RIMS2: variants seen among roughly 807,000 people sequenced by gnomAD.
RIMS2 encodes regulating synaptic membrane exocytosis protein 2.
Under a neutral mutation model 174.4 loss-of-function variants are expected in RIMS2, and 59 were observed. The observed-to-expected ratio is 0.34, with a 90% CI of 0.27 to 0.42. The LOEUF (loss-of-function observed/expected upper bound fraction) is 0.42. RIMS2 is among the 10% of genes least tolerant of loss of function. The probability of loss-of-function intolerance (pLI) is 1.00; values close to 1 mark genes in which losing one functional copy is unlikely to be tolerated. For missense variants in RIMS2, 1,620 were observed against 1,666.3 expected, an observed-to-expected ratio of 0.97 and a Z score of 0.48; for synonymous variants, 606 against 572.5, an observed-to-expected ratio of 1.06 and a Z score of -0.84.
intron 19 of RIMS2, among the ~76,000 whole-genome samples, chr8:104,234,867 A>G (rs1490203768): frequency 6.6e-6 from 1 of 152,100 alleles, no homozygotes; most frequent in Non-Finnish European, 1.5e-5. Flanking sequence ...TCAACTCCAC[A>G]TGTTGGCAAA....
intron 19 of RIMS2, among the ~76,000 whole-genome samples, chr8:104,096,161 G>T (rs13272829): frequency 0.24 from 35,703 of 151,496 alleles, 4,497 homozygotes; most frequent in African/African-American, 0.33. Context: ...GGTGTCCTTG[G>T]AAAGATACAT....
chr8:103,582,776 G>T (rs1327251977), intron 1 of RIMS2, among the ~76,000 whole-genome samples: 2 of 152,144 alleles, frequency 1.3e-5, no homozygotes, highest in East Asian at 3.9e-4. Flanking sequence ...TAATAAAATA[G>T]AACACCAGGT....
At chr8:104,066,623 T>G (rs148962658) in intron 19 of RIMS2, among the ~76,000 whole-genome samples, 144 of 152,278 alleles carry the variant, frequency 9.5e-4, no homozygotes, top group African/African-American at 3.0e-3. Context: ...AATAGACTAA[T>G]AGGTATTTGT....
At chr8:104,006,806 A>T (rs571600804) in intron 17 of RIMS2, among the ~76,000 whole-genome samples, 14 of 151,806 alleles carry the variant, frequency 9.2e-5, no homozygotes, top group Admixed American at 2.0e-4. Flanking sequence ...TAATATATAT[A>T]TATATTTGGG....
At chr8:104,206,454 G>A (rs1161848274) in intron 19 of RIMS2, among the ~76,000 whole-genome samples, 1 of 152,072 alleles carries the variant, frequency 6.6e-6, no homozygotes, top group Non-Finnish European at 1.5e-5. Flanking sequence ...TGTTGCCTTG[G>A]ATCAGTGTCA....
chr8:104,207,321 T>A (rs1456782356), intron 19 of RIMS2, among the ~76,000 whole-genome samples: 1 of 152,156 alleles, frequency 6.6e-6, no homozygotes, highest in African/African-American at 2.4e-5. Context: ...GAGGTGACAT[T>A]TAAAATACAT....
intron 19 of RIMS2, among the ~76,000 whole-genome samples, chr8:104,073,737 A>G (rs1244953099): frequency 6.6e-6 from 1 of 152,186 alleles, no homozygotes; most frequent in South Asian, 2.1e-4. Flanking sequence ...TTTATTGTGC[A>G]TGCCTGACCC....
chr8:103,843,987 A>G (rs1032176192), intron 3 of RIMS2, among the ~76,000 whole-genome samples: 4 of 152,166 alleles, frequency 2.6e-5, no homozygotes, highest in African/African-American at 9.7e-5. Flanking sequence ...TTCTCATGAT[A>G]GCAAATAAGT....
intron 19 of RIMS2, among the ~76,000 whole-genome samples, chr8:104,112,892 C>T (rs75723941): frequency 0.033 from 5,021 of 152,136 alleles, 130 homozygotes; most frequent in Non-Finnish European, 0.049. Context: ...TGAACTCAGA[C>T]AATAAATGAG....
At chr8:103,505,004 A>G (rs1822745380) in intron 1 of RIMS2, among the ~76,000 whole-genome samples, 1 of 151,670 alleles carries the variant, frequency 6.6e-6, no homozygotes, top group Admixed American at 6.6e-5. Context: ...GGCAGGTGTC[A>G]TGACACTCGA....
intron 17 of RIMS2, among the ~76,000 whole-genome samples, chr8:103,990,322 A>G (rs1458002768): frequency 6.6e-6 from 1 of 152,114 alleles, no homozygotes; most frequent in Non-Finnish European, 1.5e-5. Context: ...ACTGTGATTT[A>G]GTATACTTCT....
chr8:103,962,927 G>A (rs2090625389), intron 15 of RIMS2, among the ~76,000 whole-genome samples: 1 of 152,132 alleles, frequency 6.6e-6, no homozygotes, highest in Admixed American at 6.5e-5. Context: ...TCAAAAATTA[G>A]GATGATGGTA....
At chr8:103,642,162 A>G (rs1190714125) in intron 1 of RIMS2, among the ~76,000 whole-genome samples, 1 of 151,686 alleles carries the variant, frequency 6.6e-6, no homozygotes, top group African/African-American at 2.4e-5. Flanking sequence ...CTTTTGCTTT[A>G]TTTTAGCATT....
chr8:103,514,561 T>G (rs948423805), intron 1 of RIMS2, among the ~76,000 whole-genome samples: 2 of 151,678 alleles, frequency 1.3e-5, no homozygotes, highest in East Asian at 3.8e-4. Context: ...AACTTTAAAT[T>G]TTTTTCAATA....
chr8:103,662,204 T>C (rs536499048), intron 1 of RIMS2, among the ~76,000 whole-genome samples: 1 of 152,352 alleles, frequency 6.6e-6, no homozygotes, highest in South Asian at 2.1e-4. Flanking sequence ...GGTCCCAGGT[T>C]AGACAAGCTT....
chr8:103,805,084 C>G (rs1357355112), intron 3 of RIMS2, among the ~76,000 whole-genome samples: 1 of 152,136 alleles, frequency 6.6e-6, no homozygotes, highest in African/African-American at 2.4e-5. Flanking sequence ...TGAACCACCA[C>G]ACCCAGCCTC....
At chr8:103,584,139 G>T (rs929102194) in intron 1 of RIMS2, among the ~76,000 whole-genome samples, 6 of 152,192 alleles carry the variant, frequency 3.9e-5, no homozygotes, top group Non-Finnish European at 8.8e-5. Flanking sequence ...ATATCTGGCA[G>T]CAGACTTTTC....
chr8:103,924,692 C>G (rs1258289972), intron 10 of RIMS2, among the ~76,000 whole-genome samples: 1 of 151,528 alleles, frequency 6.6e-6, no homozygotes, highest in Non-Finnish European at 1.5e-5. Flanking sequence ...TCCTAATATT[C>G]TGTCAGTTCA....
At chr8:104,248,339 A>G (rs2441812) in intron 20 of RIMS2, among the ~76,000 whole-genome samples, 52,201 of 151,846 alleles carry the variant, frequency 0.34, 9,389 homozygotes, top group African/African-American at 0.47. Flanking sequence ...GAGAAATAAT[A>G]GAATCTATCA....
Sources: gnomAD v4.1 joint callset for allele counts (sites outside exome capture counted in the v4.1 genomes callset) on GRCh38, gnomAD v4.1.1 for gene constraint, MANE v1.5 for transcripts, NCBI Gene and HGNC (gene_info 2026-07-23, HGNC 2026-07-21) for gene names.